The following ATF1 variants were observed in gnomAD, a reference collection of about 807,000 sequenced individuals.
ATF1 encodes the protein activating transcription factor 1, also known as cyclic AMP-dependent transcription factor ATF-1.
In ATF1, 16 loss-of-function variants were observed where a neutral mutation model predicts 34.7. The ratio of observed to expected loss-of-function variants is 0.46; its 90% CI spans 0.31 to 0.70. The LOEUF (loss-of-function observed/expected upper bound fraction) is 0.70, where lower values mean the gene tolerates loss of function less well. Among genes scored for constraint, ATF1 ranks in the 30% least tolerant of loss-of-function variants. ATF1 has a pLI of 0.05. For missense variants in ATF1, 255 were observed against 321.6 expected (o/e 0.79, Z 1.58); for synonymous variants, 105 against 113.1 (o/e 0.93, Z 0.46).
rs146731909 is a variant in ATF1 at position 50,792,239 on chromosome 12, T to G, written c.94-3670T>G. Among the ~76,000 whole-genome samples the G allele has an allele frequency of 4.6e-3, 707 of 152,316 alleles. 1 individual carries two copies. The highest frequency in any genetic ancestry group is 0.037 in the Middle Eastern group (11 of 294). ...TGTTATAGTTAGTTTGTACTCTCAA[T>G]CCCTAGTTCAGCCTCTGGTCAATAG... On this transcript the variant is annotated intron_variant, in intron 2 of 6. Coordinates refer to ENST00000262053, the MANE Select transcript of ATF1 (RefSeq NM_005171.5).
intron 6 of ATF1, among the ~76,000 whole-genome samples, chr12:50,814,821 T>C (rs1447508070): frequency 2.3e-5 from 1 of 43,240 alleles, no homozygotes; most frequent in Non-Finnish European, 9.0e-5. Context: ...TACCTTCTAC[T>C]TTTTTTTTTT....
intron 1 of ATF1, among the ~76,000 whole-genome samples, chr12:50,765,038 C>A (rs1376747426): frequency 5.9e-5 from 9 of 152,182 alleles, no homozygotes; most frequent in Admixed American, 5.9e-4. Flanking sequence ...TGATCGACGC[C>A]GTGCAGCTGG....
chr12:50,776,991 T>G (rs1940941635), intron 1 of ATF1, among the ~76,000 whole-genome samples: 1 of 152,144 alleles, frequency 6.6e-6, no homozygotes, highest in South Asian at 2.1e-4. Context: ...TAGCTGGGAT[T>G]ACAGGCATGC....
At position 50,819,894 on chromosome 12, in the gene ATF1, T is replaced by G. The variant is rs1269957555; in HGVS notation, c.*115T>G. ...AGCTTTTTATTTAGGCTTTTCCAAA[T>G]CAAGGATAAATATCTTACGCACGAT... On this transcript the variant is annotated 3_prime_UTR_variant, in exon 7 of 7. Transcript: ENST00000262053. 2.1e-6 allele frequency: 2 copies of G among 948,832 alleles called. No individual in the cohort carries two copies. The highest frequency in any genetic ancestry group is 1.7e-5 in the African/African-American group (1 of 59,046). 58.8% of individuals were successfully genotyped at this position (948,832 alleles called of 1,614,324 possible). A position where few individuals can be genotyped will look rare whatever the true frequency, so the allele number is the denominator to read the frequency against.
chr12:50,807,822 T>G (rs76079509), intron 3 of ATF1, among the ~76,000 whole-genome samples: 4 of 150,834 alleles, frequency 2.7e-5, no homozygotes, highest in African/African-American at 7.3e-5. Context: ...TGTTTTTTTT[T>G]TTTTTTTGAG....
At chr12:50,817,215 C>G (rs891603809) in intron 6 of ATF1, among the ~76,000 whole-genome samples, 6 of 152,022 alleles carry the variant, frequency 3.9e-5, no homozygotes, top group African/African-American at 1.4e-4. Context: ...AGCAAAAAAT[C>G]AGGAAACAAC....
chr12:50,801,564 TC>T (rs543847288), intron 3 of ATF1, among the ~76,000 whole-genome samples: 210 of 152,156 alleles, frequency 1.4e-3, no homozygotes, highest in African/African-American at 4.9e-3. Flanking sequence ...ACACAAAAAA[TC>T]CTCGACAACA....
Position 50,792,622 on chromosome 12 carries a change from A to G in ATF1, c.94-3287A>G, listed in dbSNP as rs1037629565. 3.3e-5 allele frequency among the ~76,000 whole-genome samples: 5 copies of G among 152,154 alleles called. 1 individual carries two copies. Among genetic ancestry groups the G allele is most frequent in the African/African-American group, 7.2e-5 (3 of 41,440 alleles). Reference sequence around the variant, plus strand: ...CTGTACCTATAATATATAAACCAAGATAAAGTTGTCTTACAAATTAGACTG... The same window carrying G: ...CTGTACCTATAATATATAAACCAAGGTAAAGTTGTCTTACAAATTAGACTG... On this transcript the variant is annotated intron_variant, in intron 2 of 6. Transcript: ENST00000262053.
At chr12:50,764,905 G>C (rs1364383028) in intron 1 of ATF1, among the ~76,000 whole-genome samples, 1 of 152,230 alleles carries the variant, frequency 6.6e-6, no homozygotes, top group East Asian at 1.9e-4. Flanking sequence ...GACAGTAGGC[G>C]GCTTTACCCC....
intron 3 of ATF1, among the ~76,000 whole-genome samples, chr12:50,804,123 A>G (rs1377261125): frequency 6.6e-6 from 1 of 152,232 alleles, no homozygotes; most frequent in Non-Finnish European, 1.5e-5. Context: ...ACTTTTCTTT[A>G]AAAAGACAAA....
Position 50,793,391 on chromosome 12 carries a change from T to C in ATF1, c.94-2518T>C, listed in dbSNP as rs868189865. 4.6e-5 allele frequency among the ~76,000 whole-genome samples: 7 copies of C among 152,218 alleles called. No individual in the cohort carries two copies. The South Asian group carries it at 1.0e-3, about 23-fold the overall frequency. ...CTGTAATCCCAGCACTTTGGGATGC[T>C]GAGGTGGGCGGATCACGAGGTCAGG... On this transcript the variant is annotated intron_variant, in intron 2 of 6. Coordinates refer to ENST00000262053, the MANE Select transcript of ATF1 (RefSeq NM_005171.5).
intron 2 of ATF1, among the ~76,000 whole-genome samples, chr12:50,792,610 A>AT (rs5798152): frequency 0.91 from 139,231 of 152,196 alleles, 64,212 homozygotes; most frequent in Non-Finnish European, 0.98. Flanking sequence ...TACCTATAAT[A>AT]TATAAACCAA....
chr12:50,794,298 G>A (rs985881965), intron 2 of ATF1, among the ~76,000 whole-genome samples: 15 of 151,326 alleles, frequency 9.9e-5, no homozygotes, highest in African/African-American at 3.4e-4. Flanking sequence ...CAGGCACAGT[G>A]GCTCACACTT....
intron 3 of ATF1, among the ~76,000 whole-genome samples, chr12:50,796,274 A>G (rs191317598): frequency 6.6e-6 from 1 of 152,288 alleles, no homozygotes; most frequent in Admixed American, 6.5e-5. Context: ...GCACGCCTGT[A>G]GTCCCATCTA....
At chr12:50,815,302 G>A (rs1941820992) in intron 6 of ATF1, among the ~76,000 whole-genome samples, 1 of 125,984 alleles carries the variant, frequency 7.9e-6, no homozygotes, top group South Asian at 2.6e-4. Flanking sequence ...CCTGACCCTA[G>A]GCTAGTTAGC....
chr12:50,771,943 C>T (rs1940781554), intron 1 of ATF1, among the ~76,000 whole-genome samples: 1 of 152,150 alleles, frequency 6.6e-6, no homozygotes. Context: ...AAAAATCCAC[C>T]CCTTGTTTAG....
chr12:50,789,915 C>T (rs747479653), intron 2 of ATF1, among the ~76,000 whole-genome samples: 2 of 152,054 alleles, frequency 1.3e-5, no homozygotes, highest in Non-Finnish European at 1.5e-5. Flanking sequence ...TTAGACGAAC[C>T]GTAGTAATAA....
At chr12:50,811,695 G>A (rs1293766212) in intron 4 of ATF1, among the ~76,000 whole-genome samples, 11 of 151,486 alleles carry the variant, frequency 7.3e-5, no homozygotes, top group Non-Finnish European at 1.5e-5. Context: ...TCGGGAGGCT[G>A]AAATGGGATC....
chr12:50,811,632 A>G (rs916387990), intron 4 of ATF1, among the ~76,000 whole-genome samples: 18 of 147,044 alleles, frequency 1.2e-4, no homozygotes, highest in Non-Finnish European at 2.4e-4. Context: ...AAAATGAAGA[A>G]AAAAAAAAAA....
Sources: gnomAD v4.1 joint callset for allele counts (sites outside exome capture counted in the v4.1 genomes callset) on GRCh38, gnomAD v4.1.1 for gene constraint, MANE v1.5 for transcripts, NCBI Gene and HGNC (gene_info 2026-07-23, HGNC 2026-07-21) for gene names.